The following SLCO3A1 variants were observed in gnomAD, a reference collection of about 807,000 sequenced individuals.
SLCO3A1 encodes the protein PGE1 transporter.
Under a neutral mutation model 63.1 loss-of-function variants are expected in SLCO3A1, and 27 were observed. That is an observed-to-expected ratio of 0.43 (90% confidence interval 0.32 to 0.59). The LOEUF is 0.59. Ranked by LOEUF, SLCO3A1 falls within the 20% of genes least tolerant of loss-of-function variation. The probability of loss-of-function intolerance (pLI) is 0.09; values close to 1 mark genes in which losing one functional copy is unlikely to be tolerated. For missense variants in SLCO3A1, 773 were observed against 945.8 expected (o/e 0.82, Z 2.40); for synonymous variants, 473 against 409.9 (o/e 1.15, Z -1.86).
intron 2 of SLCO3A1, among the ~76,000 whole-genome samples, chr15:92,016,334 A>G (rs1210449024): frequency 6.6e-6 from 1 of 151,898 alleles, no homozygotes; most frequent in Non-Finnish European, 1.5e-5. Flanking sequence ...CATATCAAAC[A>G]TTGTTTTTTT....
chr15:91,986,175 C>T (rs990713381), intron 2 of SLCO3A1, among the ~76,000 whole-genome samples: 9 of 152,130 alleles, frequency 5.9e-5, no homozygotes, highest in African/African-American at 2.2e-4. Flanking sequence ...CCACCATGCT[C>T]GGCCTATATT....
chr15:92,120,564 C>G lies in SLCO3A1; in HGVS notation c.1109C>G (p.Ala370Gly). 6.2e-7 allele frequency: 1 copy of G among 1,614,032 alleles called. No individual in the cohort carries two copies. Among genetic ancestry groups the G allele is most frequent in the Non-Finnish European group, 8.5e-7 (1 of 1,179,996 alleles). Reference protein sequence around the residue: ...MEIAVVAGFAAFLGKYLEQQF... With the variant: ...MEIAVVAGFAGFLGKYLEQQF... ...ATTGCAGTGGTGGCTGGCTTCGCTG[C>G]CTTTTTGGGGAAGTACCTGGAGCAG... Residue 370 changes from alanine to glycine, a missense_variant, in exon 5 of 10, where the codon GCC becomes GGC. Physicochemically the swap from Ala to Gly is moderately conservative, Grantham distance 60. Coordinates refer to ENST00000318445, the MANE Select transcript of SLCO3A1 (RefSeq NM_013272.4).
intron 7 of SLCO3A1, among the ~76,000 whole-genome samples, chr15:92,133,406 AG>A (rs1266638137): frequency 1.4e-5 from 2 of 146,334 alleles, no homozygotes; most frequent in Non-Finnish European, 3.1e-5. Context: ...GCCATATAGC[AG>A]GGGTCCCCCA....
intron 2 of SLCO3A1, among the ~76,000 whole-genome samples, chr15:92,051,942 TG>T (rs2046963024): frequency 6.6e-6 from 1 of 152,166 alleles, no homozygotes; most frequent in Non-Finnish European, 1.5e-5. Flanking sequence ...GCAGATGTAC[TG>T]GGGAGCAGTT....
intron 2 of SLCO3A1, among the ~76,000 whole-genome samples, chr15:91,932,505 G>A (rs1301825132): frequency 1.3e-5 from 2 of 152,040 alleles, no homozygotes; most frequent in Non-Finnish European, 2.9e-5. Context: ...GAGTGCAATG[G>A]CATGATCTCG....
chr15:92,077,344 G>T (rs1490864929), intron 2 of SLCO3A1, among the ~76,000 whole-genome samples: 1 of 152,108 alleles, frequency 6.6e-6, no homozygotes, highest in Non-Finnish European at 1.5e-5. Context: ...TTTCGGAGAT[G>T]GTCATTTTTT....
At chr15:91,878,773 A>G (rs756926090) in intron 1 of SLCO3A1, among the ~76,000 whole-genome samples, 8 of 152,224 alleles carry the variant, frequency 5.3e-5, no homozygotes, top group South Asian at 2.1e-4. Flanking sequence ...AAATACTTAT[A>G]GTAACTGAAA....
rs1898681050 is a variant in SLCO3A1, at chr15:91,916,887, G to A, written c.646+429G>A. Reference sequence around the variant, plus strand: ...GTCCTGTTGCAGCTCAAAAGGAGAGGTGATGGCTTTGCCAGCATTTGGCAT... The same window carrying A: ...GTCCTGTTGCAGCTCAAAAGGAGAGATGATGGCTTTGCCAGCATTTGGCAT... On this transcript the variant is annotated intron_variant, in intron 2 of 9. Coordinates refer to ENST00000318445, the MANE Select transcript of SLCO3A1 (RefSeq NM_013272.4). This position sits in a 1 kb window ranked among gnomAD's most constrained non-coding sequence, Gnocchi z 6.2. 6.6e-6 allele frequency among the ~76,000 whole-genome samples: 1 copy of A among 152,206 alleles called. No homozygotes were observed. The highest frequency in any genetic ancestry group is 6.5e-5 in the Admixed American group (1 of 15,284).
chr15:91,895,107 G>T (rs1897971362), intron 1 of SLCO3A1, among the ~76,000 whole-genome samples: 1 of 152,176 alleles, frequency 6.6e-6, no homozygotes, highest in African/African-American at 2.4e-5. Context: ...CCAATCTTTA[G>T]AACTGCTTTG....
chr15:92,032,430 G>T (rs538535833), intron 2 of SLCO3A1, among the ~76,000 whole-genome samples: 1 of 152,160 alleles, frequency 6.6e-6, no homozygotes, highest in Admixed American at 6.5e-5. Flanking sequence ...GAGGCTAAGT[G>T]TATAGGGTAA....
intron 2 of SLCO3A1, among the ~76,000 whole-genome samples, chr15:92,028,943 G>A (rs1426092346): frequency 1.3e-5 from 2 of 149,570 alleles, no homozygotes; most frequent in South Asian, 2.1e-4. Context: ...GTGTGTGTGT[G>A]TACGTACATG....
At chr15:91,868,288 G>T (rs2141851853) in intron 1 of SLCO3A1, among the ~76,000 whole-genome samples, 1 of 150,926 alleles carries the variant, frequency 6.6e-6, no homozygotes, top group South Asian at 2.1e-4. Flanking sequence ...CTGACCTGAG[G>T]TGATCCACCT....
At chr15:92,031,804 A>G (rs1003825143) in intron 2 of SLCO3A1, among the ~76,000 whole-genome samples, 17 of 152,214 alleles carry the variant, frequency 1.1e-4, no homozygotes, top group Admixed American at 4.6e-4. Flanking sequence ...TGTATTATAA[A>G]TGATTCAATT....
chr15:91,948,376 G>A lies in SLCO3A1; in HGVS notation c.646+31918G>A, dbSNP rs576895475. On this transcript the variant is annotated intron_variant, in intron 2 of 9. Coordinates refer to ENST00000318445, the MANE Select transcript of SLCO3A1 (RefSeq NM_013272.4). This position sits in a 1 kb window ranked among gnomAD's most constrained non-coding sequence, Gnocchi z 4.8. ...GCTGTTGCCAAGTTTAGAAGTGGCC[G>A]CATGTGTGGTGCCAGCCACAGCATC... Among the ~76,000 whole-genome samples, 4 of 152,308 alleles carry A rather than the reference G, an allele frequency of 2.6e-5. No homozygotes were observed. The highest frequency in any genetic ancestry group is 2.1e-4 in the South Asian group (1 of 4,832).
At chr15:91,864,444 A>C (rs1173778679) in intron 1 of SLCO3A1, among the ~76,000 whole-genome samples, 5 of 151,948 alleles carry the variant, frequency 3.3e-5, no homozygotes. Flanking sequence ...GTTTTGGTGA[A>C]TACTGGGGAA....
intron 2 of SLCO3A1, among the ~76,000 whole-genome samples, chr15:91,974,830 C>T (rs922402773): frequency 9.2e-5 from 14 of 152,224 alleles, no homozygotes; most frequent in Admixed American, 4.6e-4. Context: ...GCCAGTGTCC[C>T]CATTTAGCAT....
At chr15:91,878,396 G>T (rs912448566) in intron 1 of SLCO3A1, among the ~76,000 whole-genome samples, 3 of 152,134 alleles carry the variant, frequency 2.0e-5, no homozygotes, top group Non-Finnish European at 4.4e-5. Context: ...GGCCTTTTCA[G>T]TGGGCTCCAG....
chr15:92,133,891 C>T (rs1320597173), intron 7 of SLCO3A1, among the ~76,000 whole-genome samples: 5 of 152,204 alleles, frequency 3.3e-5, no homozygotes, highest in South Asian at 2.1e-4. Flanking sequence ...TTGTCTTCCA[C>T]GAAACTGGTC....
At chr15:92,100,138 A>G (rs1051382022) in intron 3 of SLCO3A1, among the ~76,000 whole-genome samples, 1 of 151,810 alleles carries the variant, frequency 6.6e-6, no homozygotes, top group Non-Finnish European at 1.5e-5. Context: ...ATGCCTGTTG[A>G]CACCTATGTC....
Sources: gnomAD v4.1 joint callset for allele counts (sites outside exome capture counted in the v4.1 genomes callset) on GRCh38, gnomAD v4.1.1 for gene constraint, Gnocchi (gnomAD v3.1) non-coding constraint, MANE v1.5 for transcripts, NCBI Gene and HGNC (gene_info 2026-07-23, HGNC 2026-07-21) for gene names.